Variants in CHD7 observed in about 807,000 individuals in gnomAD.
CHD7 encodes the protein chromodomain helicase DNA binding protein 7.
In CHD7, 24 loss-of-function variants were observed where a neutral mutation model predicts 307.3. The ratio of observed to expected loss-of-function variants is 0.08; its 90% CI spans 0.06 to 0.11. CHD7 has a LOEUF of 0.11. Among genes scored for constraint, CHD7 ranks in the 10% least tolerant of loss-of-function variants. CHD7 has a pLI of 1.00. For synonymous variants in CHD7, 1,363 were observed against 1,349.9 expected, an observed-to-expected ratio of 1.01 and a Z score of -0.21; for missense variants, 3,106 against 3,727.1, an observed-to-expected ratio of 0.83 and a Z score of 4.34.
chr8:60,680,428 G>GCGC (rs1420750723), intron 1 of CHD7, among the ~76,000 whole-genome samples: 2 of 131,974 alleles, frequency 1.5e-5, no homozygotes, highest in African/African-American at 5.5e-5. Flanking sequence ...GGCGGCGGCG[G>GCGC]CGGCTCCCGG....
intron 23 of CHD7, among the ~76,000 whole-genome samples, chr8:60,846,873 C>T (rs976675629): frequency 1.3e-5 from 2 of 152,238 alleles, no homozygotes; most frequent in Admixed American, 6.5e-5. Context: ...TAGATGAGGG[C>T]AGCCTCAGCT....
intron 1 of CHD7, among the ~76,000 whole-genome samples, chr8:60,732,258 T>C (rs772381085): frequency 3.5e-4 from 53 of 152,254 alleles, no homozygotes; most frequent in Non-Finnish European, 6.5e-4. Context: ...CCAGAAATTT[T>C]TTAAAATGTA....
chr8:60,761,057 G>A (rs1319603304), intron 2 of CHD7, among the ~76,000 whole-genome samples: 2 of 152,044 alleles, frequency 1.3e-5, no homozygotes, highest in Non-Finnish European at 1.5e-5. Flanking sequence ...GTTTACTGCG[G>A]CATTATTCAC....
chr8:60,780,584 G>A, intron 2 of CHD7, among the ~76,000 whole-genome samples: 1 of 152,166 alleles, frequency 6.6e-6, no homozygotes, highest in East Asian at 1.9e-4. Context: ...TTTTAAAAAT[G>A]GCTAAATTAT....
At chr8:60,856,413 T>C (rs772687677) in intron 33 of CHD7, 32 bp from the exon 34 acceptor site, 14 of 1,575,234 alleles carry the variant, frequency 8.9e-6, no homozygotes, top group Non-Finnish European at 1.2e-5. Flanking sequence ...TTTGGCTCAC[T>C]GCAACTCTGT....
intron 6 of CHD7, 103 bp from the exon 7 acceptor site, chr8:60,808,114 T>A (rs1812624204): frequency 1.2e-6 from 1 of 815,620 alleles, no homozygotes; most frequent in Non-Finnish European, 2.0e-6. Flanking sequence ...CCTTTGCTGC[T>A]CTTTTCAGTC....
At position 60,714,307 on chromosome 8, in the gene CHD7, C is replaced by T. The variant is rs1807450558; in HGVS notation, c.-174-26952C>T. On this transcript the variant is annotated intron_variant, in intron 1 of 37. Transcript: ENST00000423902. ...CCACCCACTCGGGGCGCTCGCTTCA[C>T]CTCATGCCCGCCTCAGTGGCTCGGG... 5.9e-5 allele frequency among the ~76,000 whole-genome samples: 9 copies of T among 151,952 alleles called. No homozygotes were observed. The South Asian group carries it at 1.9e-3, about 32-fold the overall frequency.
chr8:60,743,855 A>G (rs889040487), intron 2 of CHD7, among the ~76,000 whole-genome samples: 1 of 152,234 alleles, frequency 6.6e-6, no homozygotes, highest in Non-Finnish European at 1.5e-5. Flanking sequence ...ATGCCTGTGT[A>G]TACAGATTAT....
At position 60,853,439 on chromosome 8, in the gene CHD7, A is replaced by G. The variant is rs775318881; in HGVS notation, c.6714A>G (p.Glu2238=). Residue 2238 remains glutamate, a synonymous_variant, in exon 31 of 38, where the codon GAA becomes GAG. Transcript: ENST00000423902. ...GSKSISEKGS[E]EDEEEKLEDD... ...AATCTATTTCAGAGAAAGGTTCCGA[A>G]GAGGATGAAGAGGAAAAGCTGGAGG... 1 of 1,520,090 alleles carries G rather than the reference A, an allele frequency of 6.6e-7. No individual in the cohort carries two copies. Among genetic ancestry groups the G allele is most frequent in the Non-Finnish European group, 8.8e-7 (1 of 1,137,590 alleles). The allele number at this position is 1,520,090 out of a possible 1,614,324, so 94.2% of individuals were successfully genotyped here.
At chr8:60,781,664 C>G (rs1811241850) in intron 3 of CHD7, among the ~76,000 whole-genome samples, 1 of 152,038 alleles carries the variant, frequency 6.6e-6, no homozygotes, top group African/African-American at 2.4e-5. Context: ...AATTAAAAAT[C>G]AATTTTTTAT....
intron 1 of CHD7, among the ~76,000 whole-genome samples, chr8:60,713,414 AT>A (rs5891775): frequency 0.48 from 72,847 of 150,850 alleles, 21,457 homozygotes; most frequent in East Asian, 0.74. Flanking sequence ...CCGGCCAGAA[AT>A]TTTTTTTTTT....
chr8:60,780,033 CAT>C (rs1811134744), intron 2 of CHD7, among the ~76,000 whole-genome samples: 1 of 152,124 alleles, frequency 6.6e-6, no homozygotes, highest in African/African-American at 2.4e-5. Flanking sequence ...AAATGAGAGA[CAT>C]ATGTAGATTT....
intron 1 of CHD7, among the ~76,000 whole-genome samples, chr8:60,738,793 C>T (rs1017658570): frequency 6.6e-6 from 1 of 152,162 alleles, no homozygotes; most frequent in African/African-American, 2.4e-5. Context: ...TGGACCTTAC[C>T]TGAGCATGGT....
intron 2 of CHD7, among the ~76,000 whole-genome samples, chr8:60,765,962 A>G (rs1447123807): frequency 1.3e-5 from 2 of 152,236 alleles, no homozygotes; most frequent in Non-Finnish European, 2.9e-5. Context: ...AAGAATGGTC[A>G]GTGACAAGAT....
Position 60,693,163 on chromosome 8 carries a change from C to T in CHD7, c.-175+14081C>T, listed in dbSNP as rs79018592. ...CCTGGCCTGTTGGCATCTTTGTTCC[C>T]TCCACTATGTTGTGCCCTCCGCGAC... On this transcript the variant is annotated intron_variant, in intron 1 of 37. Transcript: ENST00000423902. Among the ~76,000 whole-genome samples the T allele has an allele frequency of 3.1e-3, 473 of 152,318 alleles. 20 individuals carry two copies. The East Asian group carries it at 0.077, about 25-fold the overall frequency.
At chr8:60,803,764 A>G (rs1384729420) in intron 6 of CHD7, among the ~76,000 whole-genome samples, 2 of 152,244 alleles carry the variant, frequency 1.3e-5, no homozygotes, top group African/African-American at 2.4e-5. Flanking sequence ...CTCAAAGTAG[A>G]TACTTTAGTT....
chr8:60,728,376 G>A (rs1031462507), intron 1 of CHD7, among the ~76,000 whole-genome samples: 2 of 151,934 alleles, frequency 1.3e-5, no homozygotes, highest in Non-Finnish European at 2.9e-5. Flanking sequence ...GTCTTAAGGA[G>A]CCTATACAAT....
rs538328272 is a variant in CHD7 at position 60,846,948 on chromosome 8, C to G, written c.5210+1539C>G. ...TGAGGTGTCTTCAGAACCATTACCT[C>G]CAACCCTTTTGGTATCTCAGAAACT... On this transcript the variant is annotated intron_variant, in intron 23 of 37. Transcript: ENST00000423902. Among the ~76,000 whole-genome samples the G allele has an allele frequency of 8.5e-5, 13 of 152,280 alleles. No individual in the cohort carries two copies. In the South Asian group the frequency reaches 2.5e-3, roughly 29 times the overall value.
intron 1 of CHD7, among the ~76,000 whole-genome samples, chr8:60,718,466 C>T (rs531827740): frequency 1.8e-3 from 277 of 149,960 alleles, no homozygotes; most frequent in African/African-American, 6.3e-3. Context: ...CAGAGTGAGA[C>T]TCCATCTCAA....
Sources: allele counts gnomAD v4.1 joint callset (sites outside exome capture counted in the v4.1 genomes callset), GRCh38; gene constraint gnomAD v4.1.1; transcripts MANE v1.5; gene names NCBI Gene and HGNC (gene_info 2026-07-23, HGNC 2026-07-21).